The following ARHGEF37 variants were observed in gnomAD, a reference collection of about 807,000 sequenced individuals.
ARHGEF37 encodes the protein Rho guanine nucleotide exchange factor 37, also known as Rho guanine nucleotide exchange factor (GEF) 37.
ARHGEF37 carries 55 observed loss-of-function variants against 71.1 expected under a neutral mutation model. The ratio of observed to expected loss-of-function variants is 0.77; its 90% CI spans 0.62 to 0.97. ARHGEF37 has a LOEUF of 0.97. Ranked by LOEUF, ARHGEF37 falls within the 50% of genes least tolerant of loss-of-function variation. ARHGEF37 has a pLI of 0.00. For synonymous variants in ARHGEF37, 327 were observed against 350.6 expected (o/e 0.93, Z 0.75); for missense variants, 765 against 836.8 (o/e 0.91, Z 1.06).
At chr5:149,559,042 G>T (rs1275391231) in intron 1 of ARHGEF37, among the ~76,000 whole-genome samples, 1 of 152,018 alleles carries the variant, frequency 6.6e-6, no homozygotes, top group African/African-American at 2.4e-5. Flanking sequence ...GCAAAAACTG[G>T]CCAGGCACAG....
intron 1 of ARHGEF37, among the ~76,000 whole-genome samples, chr5:149,576,487 A>G (rs188655101): frequency 6.6e-6 from 1 of 152,350 alleles, no homozygotes; most frequent in Admixed American, 6.5e-5. Flanking sequence ...TATAGGCTCA[A>G]TAAAGCAGAC....
intron 2 of ARHGEF37, among the ~76,000 whole-genome samples, chr5:149,599,630 A>G (rs1763694792): frequency 6.6e-6 from 1 of 152,138 alleles, no homozygotes; most frequent in African/African-American, 2.4e-5. Context: ...GGGTGGTGAC[A>G]TGGAGAAATT....
chr5:149,572,735 C>A (rs1185082852), intron 1 of ARHGEF37, among the ~76,000 whole-genome samples: 1 of 152,102 alleles, frequency 6.6e-6, no homozygotes, highest in East Asian at 1.9e-4. Context: ...CAGTTAAAGG[C>A]CTTAGGAGAA....
intron 4 of ARHGEF37, among the ~76,000 whole-genome samples, chr5:149,615,005 A>G (rs1205007646): frequency 6.6e-6 from 1 of 152,160 alleles, no homozygotes; most frequent in African/African-American, 2.4e-5. Flanking sequence ...AATCAAGAAA[A>G]GACTGTGGAG....
chr5:149,554,196 G>A (rs1762721589), intron 1 of ARHGEF37, among the ~76,000 whole-genome samples: 1 of 152,124 alleles, frequency 6.6e-6, no homozygotes, highest in African/African-American at 2.4e-5. Flanking sequence ...TGCGTACGGT[G>A]GCTCATGCAT....
In ARHGEF37 at chr5:149,628,827, C is replaced by T. The variant is rs377692517; in HGVS notation, c.1679C>T (p.Pro560Leu). The T allele has an allele frequency of 1.7e-5, 28 of 1,613,234 alleles. No individual in the cohort carries two copies. The highest frequency in any genetic ancestry group is 4.0e-5 in the African/African-American group (3 of 75,036). Residue 560 changes from proline to leucine, a missense_variant, in exon 12 of 13, where the codon CCG (proline) becomes CTG (leucine). This residue lies in a region of ARHGEF37 where 390 missense variants were observed against 407.4 expected (regional missense o/e 0.96). Coordinates refer to ENST00000333677, the MANE Select transcript of ARHGEF37 (RefSeq NM_001001669.3). ...VDTGGHRGYV[P>L]AGKLQLYHVV... is the part of the protein sequence containing the mutation. ...TCCCTAGGACATCGTGGGTATGTGC[C>T]GGCTGGGAAACTACAGCTGTACCAT... is the stretch of plus-strand genomic sequence containing the variant.
At chr5:149,552,821 C>G (rs781460971) in intron 1 of ARHGEF37, among the ~76,000 whole-genome samples, 7 of 151,328 alleles carry the variant, frequency 4.6e-5, no homozygotes, top group East Asian at 1.9e-4. Flanking sequence ...ACAGAGAGAC[C>G]CTGTCTCAAA....
intron 1 of ARHGEF37, among the ~76,000 whole-genome samples, chr5:149,596,515 G>A (rs1431996509): frequency 6.6e-6 from 1 of 152,180 alleles, no homozygotes; most frequent in Non-Finnish European, 1.5e-5. Context: ...ATGTTGGCCA[G>A]GCTGGTCTCG....
At chr5:149,573,705 C>G (rs548435538) in intron 1 of ARHGEF37, among the ~76,000 whole-genome samples, 2 of 152,118 alleles carry the variant, frequency 1.3e-5, no homozygotes, top group African/African-American at 2.4e-5. Context: ...AGAACAGTGC[C>G]TGCTTCAATA....
Position 149,568,253 on chromosome 5 carries a change from C to A in ARHGEF37, c.-12+16130C>A, listed in dbSNP as rs7710373. 3.3e-5 allele frequency among the ~76,000 whole-genome samples: 5 copies of A among 151,784 alleles called. No individual in the cohort carries two copies. The South Asian group carries it at 1.0e-3, about 32-fold the overall frequency. On this transcript the variant is annotated intron_variant, in intron 1 of 2. Transcript: ENST00000505810. ...TATTGCCTAGGTTGGTCTTGAACTC[C>A]TGTGCTCAAAGAGTACTCCTGCCTT...
intron 7 of ARHGEF37, among the ~76,000 whole-genome samples, chr5:149,619,269 C>T (rs964636382): frequency 1.1e-4 from 16 of 152,114 alleles, no homozygotes; most frequent in African/African-American, 3.9e-4. Flanking sequence ...CACATAGGGC[C>T]AAAATTCACT....
intron 2 of ARHGEF37, among the ~76,000 whole-genome samples, chr5:149,598,343 TC>T (rs1763627841): frequency 1.6e-5 from 2 of 128,162 alleles, no homozygotes; most frequent in South Asian, 2.8e-4. Flanking sequence ...CTCTTCCTCT[TC>T]CTCTTCTTCT....
intron 2 of ARHGEF37, among the ~76,000 whole-genome samples, chr5:149,600,703 C>T (rs1008968869): frequency 4.0e-5 from 6 of 151,266 alleles, no homozygotes; most frequent in South Asian, 2.1e-4. Flanking sequence ...TGCAGTGGCA[C>T]GATCTCGGCT....
At chr5:149,588,195 C>A (rs571956590) in intron 1 of ARHGEF37, among the ~76,000 whole-genome samples, 1 of 134,602 alleles carries the variant, frequency 7.4e-6, no homozygotes, top group Non-Finnish European at 1.6e-5. Context: ...CGGTGCCCGG[C>A]CTTTTTGTTT....
rs1752897978 is a variant in ARHGEF37, at chr5:149,631,998, CT to C, written c.1839del (p.Phe613LeufsTer9). On this transcript the variant is annotated frameshift_variant, in exon 13 of 13. Coordinates refer to ENST00000333677, the MANE Select transcript of ARHGEF37 (RefSeq NM_001001669.3). LOFTEE classifies it high-confidence loss of function. ...PTMNQVIAAY[P>X]FVARSSHEVS... ...GTGTTTCAGGTCATAGCCGCGTACC[CT>C]TTTGTGGCCAGAAGCAGCCATGAAG... The C allele has an allele frequency of 6.2e-7, 1 of 1,614,140 alleles. No homozygotes were observed. Among genetic ancestry groups the C allele is most frequent in the Non-Finnish European group, 8.5e-7 (1 of 1,180,056 alleles).
intron 1 of ARHGEF37, among the ~76,000 whole-genome samples, chr5:149,576,285 A>G (rs2113253574): frequency 6.6e-6 from 1 of 152,348 alleles, no homozygotes; most frequent in East Asian, 1.9e-4. Flanking sequence ...AAATAGGCCC[A>G]GAGAGGGTAT....
intron 12 of ARHGEF37, among the ~76,000 whole-genome samples, chr5:149,629,842 T>C (rs941394620): frequency 1.3e-5 from 2 of 152,170 alleles, no homozygotes; most frequent in South Asian, 4.1e-4. Flanking sequence ...CTTTGTACAA[T>C]GGAATATTAT....
intron 1 of ARHGEF37, among the ~76,000 whole-genome samples, chr5:149,567,558 T>C (rs1242068811): frequency 6.6e-6 from 1 of 152,232 alleles, no homozygotes; most frequent in Non-Finnish European, 1.5e-5. Flanking sequence ...TTTTACATTC[T>C]TCTTCATTTC....
chr5:149,571,059 CAGCCTCCCAAGT>C (rs1191187872), intron 1 of ARHGEF37, among the ~76,000 whole-genome samples: 1 of 151,952 alleles, frequency 6.6e-6, no homozygotes, highest in East Asian at 2.0e-4. Context: ...TCTCCTGCCT[CAGCCTCCCAAGT>C]AGCTGGGATT....
Sources: allele counts gnomAD v4.1 joint callset (sites outside exome capture counted in the v4.1 genomes callset), GRCh38; gene constraint gnomAD v4.1.1; regional missense constraint gnomAD v4.1.1; transcripts MANE v1.5; gene names NCBI Gene and HGNC (gene_info 2026-07-23, HGNC 2026-07-21).